TAF3: variants seen among roughly 807,000 people sequenced by gnomAD.
The protein encoded by TAF3 is transcription initiation factor TFIID subunit 3.
TAF3 carries 7 observed loss-of-function variants against 80.6 expected under a neutral mutation model. That is an observed-to-expected ratio of 0.09 (90% CI 0.05 to 0.16). The LOEUF (loss-of-function observed/expected upper bound fraction) is 0.16, where lower values mean the gene tolerates loss of function less well. TAF3 is among the 10% of genes least tolerant of loss of function. The pLI, the probability that TAF3 is intolerant of heterozygous loss-of-function variation, is 1.00. For synonymous variants in TAF3, 444 were observed against 446.1 expected (o/e 1.00, Z 0.06); for missense variants, 921 against 1,140.2 (o/e 0.81, Z 2.77).
At chr10:7,986,933 T>C (rs756559379) in intron 4 of TAF3, among the ~76,000 whole-genome samples, 2 of 152,286 alleles carry the variant, frequency 1.3e-5, no homozygotes, top group East Asian at 3.9e-4. Flanking sequence ...CTTCAAAATA[T>C]GTAACCTAGA....
At position 7,964,056 on chromosome 10, in the gene TAF3, T is replaced by A. The variant is rs1831539739; in HGVS notation, c.546T>A (p.Asp182Glu). The A allele has an allele frequency of 1.9e-6, 3 of 1,613,930 alleles. No individual in the cohort carries two copies. The highest frequency in any genetic ancestry group is 2.5e-6 in the Non-Finnish European group (3 of 1,180,016). ...ATTTCCTGGGCAAGAGACCACTGGA[T>A]AGTCCTGAAGCTGAAGAACTGCCAG... Reference protein sequence around the residue: ...DENFLGKRPLDSPEAEELPAM... With the variant: ...DENFLGKRPLESPEAEELPAM... The change falls in exon 3 of 7, where the codon GAT becomes GAA. Residue 182 changes from aspartate (D) to glutamate (E), a missense_variant. By Grantham distance (45) the Asp-to-Glu change is conservative. Coordinates refer to ENST00000344293, the MANE Select transcript of TAF3 (RefSeq NM_031923.4). This position sits in a 1 kb window ranked among gnomAD's most constrained non-coding sequence, Gnocchi z 4.1.
chr10:7,868,186 A>G (rs1837233530), intron 2 of TAF3, among the ~76,000 whole-genome samples: 1 of 152,202 alleles, frequency 6.6e-6, no homozygotes, highest in African/African-American at 2.4e-5. Flanking sequence ...TTGTTTGACA[A>G]GCGAGATGTT....
intron 4 of TAF3, among the ~76,000 whole-genome samples, chr10:8,001,121 C>G (rs1283019547): frequency 6.6e-6 from 1 of 152,134 alleles, no homozygotes; most frequent in African/African-American, 2.4e-5. Context: ...TGCTACAAAT[C>G]ATATTCTTTA....
At chr10:7,920,634 A>G (rs1336194565) in intron 2 of TAF3, among the ~76,000 whole-genome samples, 1 of 152,202 alleles carries the variant, frequency 6.6e-6, no homozygotes, top group Non-Finnish European at 1.5e-5. Flanking sequence ...TAAATCCCTT[A>G]TCTTTACTTG....
chr10:7,825,666 ATTTCGTTGTGTG>A (rs1836733475), intron 2 of TAF3, among the ~76,000 whole-genome samples: 1 of 152,020 alleles, frequency 6.6e-6, no homozygotes, highest in Non-Finnish European at 1.5e-5. Flanking sequence ...CTGTGTCGGG[ATTTCGTTGTGTG>A]TTTCGTTGTG....
At chr10:7,856,990 A>G (rs1388812077) in intron 2 of TAF3, among the ~76,000 whole-genome samples, 1 of 152,222 alleles carries the variant, frequency 6.6e-6, no homozygotes, top group Non-Finnish European at 1.5e-5. Context: ...CCATGTAGCC[A>G]ACTGATTCTC....
chr10:7,827,791 A>AAAC (rs765964658), intron 2 of TAF3, among the ~76,000 whole-genome samples: 1 of 150,180 alleles, frequency 6.7e-6, no homozygotes, highest in Non-Finnish European at 1.5e-5. Flanking sequence ...AAAAAAAAAA[A>AAAC]AAAAACAAAA....
chr10:7,961,212 C>G (rs1456922086), intron 2 of TAF3, among the ~76,000 whole-genome samples: 2 of 152,110 alleles, frequency 1.3e-5, no homozygotes, highest in Non-Finnish European at 2.9e-5. Context: ...GCTGTCAATT[C>G]AGATCTGGCG....
Position 8,014,885 on chromosome 10 carries a change from G to A in TAF3, c.*134G>A. The A allele has an allele frequency of 1.3e-6, 1 of 746,794 alleles. No homozygotes were observed. The highest frequency in any genetic ancestry group is 2.1e-6 in the Non-Finnish European group (1 of 466,846). 46.3% of individuals were successfully genotyped at this position (746,794 alleles called of 1,614,324 possible). On this transcript the variant is annotated 3_prime_UTR_variant, in exon 7 of 7. Transcript: ENST00000344293. ...GGATAAAGAACCCAGGAGGACTGAG[G>A]CTGGAACACACCGCGCACCTGGATT...
intron 2 of TAF3, among the ~76,000 whole-genome samples, chr10:7,942,920 G>T (rs1837989666): frequency 6.6e-6 from 1 of 152,220 alleles, no homozygotes; most frequent in Non-Finnish European, 1.5e-5. Flanking sequence ...GCTGTAGGCT[G>T]TCTGTGCAGG....
At chr10:7,845,984 A>G (rs1438929079) in intron 2 of TAF3, among the ~76,000 whole-genome samples, 4 of 144,162 alleles carry the variant, frequency 2.8e-5, no homozygotes, top group African/African-American at 7.7e-5. Flanking sequence ...TTTTGAGGCA[A>G]TGTCTCGCCT....
At chr10:7,842,576 C>CTA (rs147922278) in intron 2 of TAF3, among the ~76,000 whole-genome samples, 66 of 150,244 alleles carry the variant, frequency 4.4e-4, no homozygotes, top group Admixed American at 3.3e-4. Context: ...GGGCTTAAAG[C>CTA]TATATATATA....
At chr10:8,013,889 C>T (rs780256988) in intron 6 of TAF3, 52 bp downstream of exon 6, 2 of 1,473,170 alleles carry the variant, frequency 1.4e-6, no homozygotes, top group Non-Finnish European at 9.5e-7. Flanking sequence ...GCATCAGCCG[C>T]TCCTGAGATG....
intron 2 of TAF3, among the ~76,000 whole-genome samples, chr10:7,849,675 CTT>C (rs536706388): frequency 1.4e-5 from 2 of 145,202 alleles, no homozygotes; most frequent in African/African-American, 2.5e-5. Flanking sequence ...TTCATGCGAA[CTT>C]TTTTTTTTTT....
intron 2 of TAF3, among the ~76,000 whole-genome samples, chr10:7,932,184 T>G (rs574881271): frequency 5.3e-5 from 8 of 152,292 alleles, no homozygotes; most frequent in Non-Finnish European, 1.0e-4. Context: ...ACATGCTACC[T>G]CTATCAGTCA....
intron 2 of TAF3, among the ~76,000 whole-genome samples, chr10:7,893,686 A>G (rs1310112619): frequency 6.6e-6 from 1 of 152,000 alleles, no homozygotes. Context: ...CTTTGCTTCT[A>G]GCGTAGGCCT....
intron 2 of TAF3, among the ~76,000 whole-genome samples, chr10:7,864,570 G>T (rs775235643): frequency 1.3e-5 from 2 of 152,130 alleles, no homozygotes; most frequent in African/African-American, 2.4e-5. Flanking sequence ...TGTCCTTCAT[G>T]TACAGGTTTC....
intron 4 of TAF3, among the ~76,000 whole-genome samples, chr10:7,979,055 T>A (rs975039034): frequency 6.9e-6 from 1 of 144,578 alleles, no homozygotes; most frequent in Non-Finnish European, 1.5e-5. Context: ...AAATAAAAAA[T>A]AAAAGGCAGC....
At chr10:7,889,100 T>C (rs974576002) in intron 2 of TAF3, among the ~76,000 whole-genome samples, 3 of 152,226 alleles carry the variant, frequency 2.0e-5, no homozygotes, top group African/African-American at 7.2e-5. Flanking sequence ...ATTTACTTCA[T>C]ATCCTTGTGG....
Sources: gnomAD v4.1 joint callset for allele counts (sites outside exome capture counted in the v4.1 genomes callset) on GRCh38, gnomAD v4.1.1 for gene constraint, Gnocchi (gnomAD v3.1) non-coding constraint, MANE v1.5 for transcripts, NCBI Gene and HGNC (gene_info 2026-07-23, HGNC 2026-07-21) for gene names.